PCMTD2: variants seen among roughly 807,000 people sequenced by gnomAD.
PCMTD2 encodes protein-L-isoaspartate (D-aspartate) O-methyltransferase domain containing 2.
Under a neutral mutation model 33.4 loss-of-function variants are expected in PCMTD2, and 16 were observed. That is an observed-to-expected ratio of 0.48 (90% confidence interval 0.32 to 0.73). The LOEUF is 0.73. Ranked by LOEUF, PCMTD2 falls within the 30% of genes least tolerant of loss-of-function variation. PCMTD2 has a pLI of 0.03. For missense variants in PCMTD2, 374 were observed against 449.9 expected (o/e 0.83, Z 1.53); for synonymous variants, 161 against 160.8 (o/e 1.00, Z -0.01).
At chr20:64,271,926 T>A in intron 5 of PCMTD2, 1 of 310,590 alleles carries the variant, frequency 3.2e-6, no homozygotes, top group South Asian at 2.8e-5. Context: ...AAGTAATCTG[T>A]CTAGATGTGA....
Position 64,260,051 on chromosome 20 carries a change from T to C in PCMTD2, c.86T>C (p.Val29Ala). ...GCACAGTATATCCGGACTGAGCTGG[T>C]AGAGCAGGCTTTCAGAGCTATCGAT... ...KEAQYIRTELVEQAFRAIDRA... is the reference protein window; with the variant it reads ...KEAQYIRTELAEQAFRAIDRA... Residue 29 changes from valine (V) to alanine (A), a missense_variant, in exon 2 of 6, where the codon GTA (valine) becomes GCA (alanine). By Grantham distance (64) the Val-to-Ala change is moderately conservative. Coordinates refer to ENST00000308824, the MANE Select transcript of PCMTD2 (RefSeq NM_018257.3). 3.1e-6 allele frequency: 5 copies of C among 1,611,178 alleles called. No homozygotes were observed. The highest frequency in any genetic ancestry group is 3.4e-6 in the Non-Finnish European group (4 of 1,177,276).
chr20:64,259,957 A>G lies in PCMTD2; in HGVS notation c.-9A>G. ...TTAATTATAGTATTGCCTAAGTGTAATCTTGAACATGGGCGGTGCTGTGAG... is the reference window on the plus strand; with the variant it reads ...TTAATTATAGTATTGCCTAAGTGTAGTCTTGAACATGGGCGGTGCTGTGAG... On this transcript the variant is annotated 5_prime_UTR_variant, in exon 2 of 6. Coordinates refer to ENST00000308824, the MANE Select transcript of PCMTD2 (RefSeq NM_018257.3). The G allele has an allele frequency of 6.3e-7, 1 of 1,592,432 alleles. No individual in the cohort carries two copies. The highest frequency in any genetic ancestry group is 8.6e-7 in the Non-Finnish European group (1 of 1,161,362).
At chr20:64,269,822 G>T (rs958618139) in intron 5 of PCMTD2, among the ~76,000 whole-genome samples, 1 of 147,814 alleles carries the variant, frequency 6.8e-6, no homozygotes, top group Non-Finnish European at 1.5e-5. Flanking sequence ...GTGAATGTGG[G>T]CACGCGTGGT....
intron 5 of PCMTD2, 114 bp downstream of exon 5, chr20:64,268,124 A>C: frequency 1.9e-6 from 1 of 517,120 alleles, no homozygotes; most frequent in Non-Finnish European, 3.2e-6. Context: ...CACCACTCCC[A>C]TGCTGAAACT....
intron 2 of PCMTD2, 108 bp from the exon 3 acceptor site, chr20:64,264,321 C>T: frequency 3.1e-6 from 2 of 646,716 alleles, no homozygotes; most frequent in Non-Finnish European, 5.6e-6. Flanking sequence ...TTGTGAATGT[C>T]TGTAGTTACA....
chr20:64,264,665 A>G, intron 3 of PCMTD2, 134 bp downstream of exon 3: 1 of 609,274 alleles, frequency 1.6e-6, no homozygotes. Context: ...GCCTGTTCTA[A>G]TTTTCAGAAA....
rs1373209982 is a variant in PCMTD2, at chr20:64,273,617, G to C, written c.*17G>C. The C allele has an allele frequency of 3.3e-6, 5 of 1,512,866 alleles. No homozygotes were observed. The highest frequency in any genetic ancestry group is 4.4e-6 in the Non-Finnish European group (5 of 1,133,778). 93.7% of individuals were successfully genotyped at this position (1,512,866 alleles called of 1,614,324 possible). ...GAAAAATAAGTCTCCTGTTTGAAAG[G>C]GGGAAATAGGAAGAGCAGATTGCTG... is the stretch of plus-strand genomic sequence containing the variant. On this transcript the variant is annotated 3_prime_UTR_variant, in exon 6 of 6. Coordinates refer to ENST00000308824, the MANE Select transcript of PCMTD2 (RefSeq NM_018257.3).
At chr20:64,269,285 T>G (rs1985787087) in intron 5 of PCMTD2, among the ~76,000 whole-genome samples, 1 of 152,228 alleles carries the variant, frequency 6.6e-6, no homozygotes, top group Admixed American at 6.5e-5. Flanking sequence ...GGGCACCAGC[T>G]TCCAGAGCCT....
Position 64,273,509 on chromosome 20 carries a change from A to G in PCMTD2, c.995A>G (p.Asp332Gly). The change falls in exon 6 of 6, where the codon GAC becomes GGC. Residue 332 changes from aspartate (D) to glycine (G), a missense_variant. Transcript: ENST00000308824. ...EEKTPPETKP[D>G]PPVNFLRQKV... ...AAGACCCCGCCGGAAACAAAGCCAG[A>G]CCCCCCAGTGAACTTCCTACGCCAG... 6.2e-7 allele frequency: 1 copy of G among 1,601,182 alleles called. No individual in the cohort carries two copies. The highest frequency in any genetic ancestry group is 8.5e-7 in the Non-Finnish European group (1 of 1,175,230).
Position 64,264,498 on chromosome 20 carries a change from ACTT to A in PCMTD2, c.382_384del (p.Phe128del), listed in dbSNP as rs778338886. 5.6e-6 allele frequency: 9 copies of A among 1,596,950 alleles called. No homozygotes were observed. The highest frequency in any genetic ancestry group is 7.7e-6 in the Non-Finnish European group (9 of 1,164,534). ...ATAGAGTATGCAAAGCAGAAACTGGACTTCTTCATCAGAACAAGTGATAGTTTT... is the reference window on the plus strand; with the variant it reads ...ATAGAGTATGCAAAGCAGAAACTGGACTTCATCAGAACAAGTGATAGTTTT... On this transcript the variant is annotated inframe_deletion, in exon 3 of 6. Transcript: ENST00000308824.
At chr20:64,259,604 G>A (rs142880297) in intron 1 of PCMTD2, among the ~76,000 whole-genome samples, 2,086 of 152,150 alleles carry the variant, frequency 0.014, 57 homozygotes, top group African/African-American at 0.048. Context: ...TGGCCAGGCT[G>A]TTCTTGAACT....
intron 5 of PCMTD2, chr20:64,272,001 G>GT (rs1219894517): frequency 1.2e-5 from 4 of 341,912 alleles, no homozygotes; most frequent in Admixed American, 3.8e-5. Context: ...GGGGCAAGAG[G>GT]CACGATCGTG....
chr20:64,269,853 G>A (rs1004647245), intron 5 of PCMTD2, among the ~76,000 whole-genome samples: 67 of 33,798 alleles, frequency 2.0e-3, no homozygotes, highest in African/African-American at 0.011. Context: ...GGGTGCTGGC[G>A]TGTGGGGGGT....
intron 1 of PCMTD2, among the ~76,000 whole-genome samples, chr20:64,256,255 A>G (rs930972269): frequency 6.6e-6 from 1 of 152,206 alleles, no homozygotes; most frequent in African/African-American, 2.4e-5. Context: ...AGAAGATGAC[A>G]GGATTTTTTA....
At chr20:64,265,543 C>A in intron 4 of PCMTD2, 114 bp downstream of exon 4, 1 of 872,218 alleles carries the variant, frequency 1.1e-6, no homozygotes, top group Non-Finnish European at 1.7e-6. Context: ...AATGAGGAAA[C>A]AGAGGCAGGG....
At chr20:64,260,549 A>G (rs1985367971) in intron 2 of PCMTD2, among the ~76,000 whole-genome samples, 1 of 152,072 alleles carries the variant, frequency 6.6e-6, no homozygotes, top group Admixed American at 6.6e-5. Flanking sequence ...TGCCCTCTGG[A>G]CAGCGGAGGA....
intron 3 of PCMTD2, among the ~76,000 whole-genome samples, chr20:64,264,904 A>G (rs1260134873): frequency 6.6e-6 from 1 of 152,246 alleles, no homozygotes; most frequent in South Asian, 2.1e-4. Flanking sequence ...TAGAAACACC[A>G]AGTGCAGTTT....
intron 1 of PCMTD2, among the ~76,000 whole-genome samples, chr20:64,257,631 G>A (rs1985223253): frequency 6.6e-6 from 1 of 152,200 alleles, no homozygotes. Flanking sequence ...ACCAGACAAA[G>A]ATGGTAATAA....
chr20:64,270,088 G>C (rs1568736984), intron 5 of PCMTD2, among the ~76,000 whole-genome samples: 1 of 144,526 alleles, frequency 6.9e-6, no homozygotes, highest in Non-Finnish European at 1.5e-5. Context: ...ACGGTGTGGG[G>C]TCTTGAGTTC....
Sources: gnomAD v4.1 joint callset for allele counts (sites outside exome capture counted in the v4.1 genomes callset) on GRCh38, gnomAD v4.1.1 for gene constraint, MANE v1.5 for transcripts, NCBI Gene and HGNC (gene_info 2026-07-23, HGNC 2026-07-21) for gene names.